The following TNFAIP3 variants were observed in gnomAD, a reference collection of about 807,000 sequenced individuals.
The protein encoded by TNFAIP3 is tumor necrosis factor alpha-induced protein 3.
TNFAIP3 carries 9 observed loss-of-function variants against 72.4 expected under a neutral mutation model. The observed-to-expected ratio is 0.12, with a 90% CI of 0.07 to 0.22. TNFAIP3 has a LOEUF of 0.22. Ranked by LOEUF, TNFAIP3 falls within the 10% of genes least tolerant of loss-of-function variation. The pLI is 1.00. For missense variants in TNFAIP3, 833 were observed against 1,018.7 expected (o/e 0.82, Z 2.48); for synonymous variants, 339 against 372.6 (o/e 0.91, Z 1.04).
Position 137,879,097 on chromosome 6 carries a change from T to C in TNFAIP3, c.1652T>C (p.Leu551Pro), listed in dbSNP as rs1776353310. Residue 551 changes from leucine to proline, a missense_variant, in exon 7 of 9, where the codon CTC becomes CCC. Coordinates refer to ENST00000612899, the MANE Select transcript of TNFAIP3 (RefSeq NM_001270508.2). The stretch of plus-strand genomic sequence containing the variant: ...ACTACAGCAGAGGCCTCCTCCAGCC[T>C]CAGCACCAGCCTCCCTCCTTCCTGT... The part of the protein sequence containing the change: ...KRTTAEASSS[L>P]STSLPPSCHQ... The C allele has an allele frequency of 6.2e-7, 1 of 1,613,998 alleles. No homozygotes were observed. The highest frequency in any genetic ancestry group is 1.3e-5 in the African/African-American group (1 of 74,898).
chr6:137,876,393 C>T (rs1032701012), intron 5 of TNFAIP3: 15 of 467,388 alleles, frequency 3.2e-5, no homozygotes, highest in Non-Finnish European at 4.9e-5. Context: ...TAAATTAAGG[C>T]GCACAGTGCT....
In TNFAIP3 at chr6:137,881,832, G is replaced by A. The variant is rs936825890; in HGVS notation, c.*513G>A. On this transcript the variant is annotated 3_prime_UTR_variant, in exon 9 of 9. Coordinates refer to ENST00000612899, the MANE Select transcript of TNFAIP3 (RefSeq NM_001270508.2). The surrounding 1 kb of genome is among the most constrained non-coding windows in gnomAD (Gnocchi z 5.0). The stretch of plus-strand genomic sequence containing the variant: ...TCAAGGAAGCTCAGGGAAAATGGAC[G>A]TATTCAGAGAGTGTTTGTAGTTCAT... 11 of 233,306 alleles carry A rather than the reference G, an allele frequency of 4.7e-5. No homozygotes were observed. Among genetic ancestry groups the A allele is most frequent in the South Asian group, 3.6e-4 (2 of 5,562 alleles). The allele number at this position is 233,306 out of a possible 1,614,324, so 14.5% of individuals were successfully genotyped here.
At chr6:137,876,223 C>G in intron 5 of TNFAIP3, 57 bp downstream of exon 5, 1 of 1,442,916 alleles carries the variant, frequency 6.9e-7, no homozygotes, top group Non-Finnish European at 9.5e-7. Flanking sequence ...TCAGGGTTTT[C>G]CTTTTTGCTT....
rs1420409577 is a variant in TNFAIP3 at position 137,878,979 on chromosome 6, C to T, written c.1534C>T (p.His512Tyr). The change falls in exon 7 of 9, where the codon CAC becomes TAC. Residue 512 changes from histidine (H) to tyrosine (Y), a missense_variant. By Grantham distance (83) the His-to-Tyr change is moderately conservative (BLOSUM62 2). Transcript: ENST00000612899. ...RQLHASHAPD[H>Y]TRHLDPGKCQ... is the part of the protein sequence containing the mutation. ...ACTTCACGCCAGCCACGCCCCAGAC[C>T]ACACAAGGCACTTGGATCCCGGGAA... 1.2e-6 allele frequency: 2 copies of T among 1,614,142 alleles called. No individual in the cohort carries two copies. The highest frequency in any genetic ancestry group is 2.2e-5 in the East Asian group (1 of 44,898).
chr6:137,878,893 G>T lies in TNFAIP3; in HGVS notation c.1448G>T (p.Cys483Phe). 6.2e-7 allele frequency: 1 copy of T among 1,614,134 alleles called. No individual in the cohort carries two copies. The highest frequency in any genetic ancestry group is 8.5e-7 in the Non-Finnish European group (1 of 1,180,028). Residue 483 changes from cysteine (C) to phenylalanine (F), a missense_variant, in exon 7 of 9, where the codon TGC becomes TTC. By Grantham distance (205) the Cys-to-Phe change is radical. Coordinates refer to ENST00000612899, the MANE Select transcript of TNFAIP3 (RefSeq NM_001270508.2). Reference protein sequence around the residue: ...TTAMKCRSPGCPFTLNVQHNG... With the variant: ...TTAMKCRSPGFPFTLNVQHNG... Reference sequence around the variant, plus strand: ...GCCATGAAGTGCAGGAGCCCCGGCTGCCCCTTCACACTGAATGTGCAGCAC... The same window carrying T: ...GCCATGAAGTGCAGGAGCCCCGGCTTCCCCTTCACACTGAATGTGCAGCAC...
chr6:137,879,148 C>T lies in TNFAIP3; in HGVS notation c.1703C>T (p.Ser568Leu), dbSNP rs374368025. 66 of 1,614,014 alleles carry T rather than the reference C, an allele frequency of 4.1e-5. No homozygotes were observed. In the African/African-American group the frequency reaches 7.1e-4, roughly 17 times the overall value. Residue 568 changes from serine to leucine, a missense_variant, in exon 7 of 9, where the codon TCG becomes TTG. Physicochemically the swap from Ser to Leu is moderately radical, Grantham distance 145 (BLOSUM62 -2). Transcript: ENST00000612899. ...CACCAGCGTTCCAAGTCAGATCCCT[C>T]GCGGCTCGTCCGGAGCCCCTCCCCG... ...SCHQRSKSDP[S>L]RLVRSPSPHS...
rs1424158052 is a variant in TNFAIP3, at chr6:137,882,575, A to G, written c.*1256A>G. 7 of 232,802 alleles carry G rather than the reference A, an allele frequency of 3.0e-5. No individual in the cohort carries two copies. The East Asian group carries it at 3.6e-4, about 12-fold the overall frequency. 14.4% of individuals were successfully genotyped at this position (232,802 alleles called of 1,614,324 possible). ...AACTCCAGCTATGTAATAAAAAACT[A>G]TACTCTGTGTTCTGTTAATGCCTCT... is the stretch of plus-strand genomic sequence containing the variant. On this transcript the variant is annotated 3_prime_UTR_variant, in exon 9 of 9. Coordinates refer to ENST00000612899, the MANE Select transcript of TNFAIP3 (RefSeq NM_001270508.2).
intron 2 of TNFAIP3, among the ~76,000 whole-genome samples, chr6:137,874,041 G>T (rs1454666750): frequency 6.6e-6 from 1 of 152,146 alleles, no homozygotes; most frequent in Non-Finnish European, 1.5e-5. Flanking sequence ...CCATTGAATT[G>T]TGAGTTTTAA....
chr6:137,871,242 C>A lies in TNFAIP3; in HGVS notation c.15C>A (p.Val5=), dbSNP rs2114457376. 1 of 1,612,218 alleles carries A rather than the reference C, an allele frequency of 6.2e-7. No individual in the cohort carries two copies. Among genetic ancestry groups the A allele is most frequent in the Non-Finnish European group, 8.5e-7 (1 of 1,178,886 alleles). Residue 5 remains valine (V), a synonymous_variant, in exon 2 of 9, where the codon GTC becomes GTA. Coordinates refer to ENST00000612899, the MANE Select transcript of TNFAIP3 (RefSeq NM_001270508.2). This position sits in a 1 kb window ranked among gnomAD's most constrained non-coding sequence, Gnocchi z 4.2. MAEQ[V]LPQALYLSNM... ...TGGAGAGCACAATGGCTGAACAAGT[C>A]CTTCCTCAGGCTTTGTATTTGAGCA...
intron 1 of TNFAIP3, among the ~76,000 whole-genome samples, chr6:137,868,418 G>A (rs913769343): frequency 2.4e-4 from 36 of 152,160 alleles, no homozygotes; most frequent in African/African-American, 8.7e-4. Context: ...TTATTGAGCA[G>A]CCAATGAATG....
Position 137,871,343 on chromosome 6 carries a change from A to G in TNFAIP3, c.116A>G (p.His39Arg). 6.2e-7 allele frequency: 1 copy of G among 1,614,224 alleles called. No homozygotes were observed. The highest frequency in any genetic ancestry group is 2.2e-5 in the East Asian group (1 of 44,894). The change falls in exon 2 of 9, where the codon CAT becomes CGT. Residue 39 changes from histidine (H) to arginine (R), a missense_variant. Physicochemically the swap from His to Arg is conservative, Grantham distance 29. Around this residue, in one of 2 missense-constraint regions of TNFAIP3, gnomAD observed 246 missense variants for 360.9 expected, o/e 0.68. Transcript: ENST00000612899. The surrounding 1 kb of genome is among the most constrained non-coding windows in gnomAD (Gnocchi z 4.2). The stretch of plus-strand genomic sequence containing the variant: ...AAACCTACTAATGGGATCATTCATC[A>G]TTTTAAAACCATGCACCGATACACA... ...IFKPTNGIIH[H>R]FKTMHRYTLE...
intron 3 of TNFAIP3, 81 bp from the exon 4 acceptor site, chr6:137,875,607 T>A (rs1426752196): frequency 6.7e-7 from 1 of 1,483,966 alleles, no homozygotes; most frequent in East Asian, 2.3e-5. Context: ...AATGAATAAT[T>A]GTAGAGTGAT....
chr6:137,882,905 A>T lies in TNFAIP3; in HGVS notation c.*1586A>T, dbSNP rs1776508927. ...GAGGGGAAATGCATTTTCCCCAGAG[A>T]TAAAGGCTGCCATTTTGGGGGTCTG... On this transcript the variant is annotated 3_prime_UTR_variant, in exon 9 of 9. Transcript: ENST00000612899. 1 of 227,034 alleles carries T rather than the reference A, an allele frequency of 4.4e-6. No individual in the cohort carries two copies. The highest frequency in any genetic ancestry group is 2.2e-5 in the African/African-American group (1 of 44,726). The allele number at this position is 227,034 out of a possible 1,614,324, so 14.1% of individuals were successfully genotyped here.
chr6:137,878,978 C>A lies in TNFAIP3; in HGVS notation c.1533C>A (p.Asp511Glu), dbSNP rs772635182. 1 of 1,614,124 alleles carries A rather than the reference C, an allele frequency of 6.2e-7. No homozygotes were observed. The highest frequency in any genetic ancestry group is 1.7e-5 in the Admixed American group (1 of 60,012). ...AACTTCACGCCAGCCACGCCCCAGACCACACAAGGCACTTGGATCCCGGGA... is the reference window on the plus strand; with the variant it reads ...AACTTCACGCCAGCCACGCCCCAGAACACACAAGGCACTTGGATCCCGGGA... ...ARQLHASHAP[D>E]HTRHLDPGKC... The change falls in exon 7 of 9, where the codon GAC becomes GAA. Residue 511 changes from aspartate to glutamate, a missense_variant. By Grantham distance (45) the Asp-to-Glu change is conservative. Around this residue, in one of 2 missense-constraint regions of TNFAIP3, gnomAD observed 587 missense variants for 657.8 expected, o/e 0.89. Coordinates refer to ENST00000612899, the MANE Select transcript of TNFAIP3 (RefSeq NM_001270508.2).
rs781640878 is a variant in TNFAIP3 at position 137,879,228 on chromosome 6, G to A, written c.1783G>A (p.Ala595Thr). 1 of 1,614,058 alleles carries A rather than the reference G, an allele frequency of 6.2e-7. No individual in the cohort carries two copies. The highest frequency in any genetic ancestry group is 1.3e-5 in the African/African-American group (1 of 74,924). ...DAPAGCLSQA[A>T]RTPGDRTGTS... ...CCCTGCTGGCTGCCTGTCTCAAGCTGCACGGACTCCTGGGGACAGGACGGG... is the reference window on the plus strand; with the variant it reads ...CCCTGCTGGCTGCCTGTCTCAAGCTACACGGACTCCTGGGGACAGGACGGG... Residue 595 changes from alanine (A) to threonine (T), a missense_variant, in exon 7 of 9, where the codon GCA becomes ACA. By Grantham distance (58) the Ala-to-Thr change is moderately conservative (BLOSUM62 0). Around this residue, in one of 2 missense-constraint regions of TNFAIP3, gnomAD observed 587 missense variants for 657.8 expected, o/e 0.89. Transcript: ENST00000612899.
chr6:137,879,103 C>T lies in TNFAIP3; in HGVS notation c.1658C>T (p.Thr553Ile), dbSNP rs2114503550. Residue 553 changes from threonine to isoleucine, a missense_variant, in exon 7 of 9, where the codon ACC becomes ATC. Thr to Ile is a moderately conservative substitution (Grantham distance 89, BLOSUM62 -1). This residue lies in a region of TNFAIP3 where 587 missense variants were observed against 657.8 expected (regional missense o/e 0.89). Coordinates refer to ENST00000612899, the MANE Select transcript of TNFAIP3 (RefSeq NM_001270508.2). ...TTAEASSSLS[T>I]SLPPSCHQRS... Reference sequence around the variant, plus strand: ...GCAGAGGCCTCCTCCAGCCTCAGCACCAGCCTCCCTCCTTCCTGTCACCAG... The same window carrying T: ...GCAGAGGCCTCCTCCAGCCTCAGCATCAGCCTCCCTCCTTCCTGTCACCAG... The T allele has an allele frequency of 3.7e-6, 6 of 1,614,198 alleles. No individual in the cohort carries two copies. Among genetic ancestry groups the T allele is most frequent in the Non-Finnish European group, 5.1e-6 (6 of 1,180,036 alleles).
At chr6:137,879,999 C>G (rs948015674) in intron 7 of TNFAIP3, 72 bp from the exon 8 acceptor site, 4 of 1,378,366 alleles carry the variant, frequency 2.9e-6, no homozygotes, top group Non-Finnish European at 4.1e-6. Flanking sequence ...CCATTTATTT[C>G]TCTACTGTCA....
rs1470094578 is a variant in TNFAIP3, at chr6:137,878,974, C to T, written c.1529C>T (p.Pro510Leu). 1 of 1,614,264 alleles carries T rather than the reference C, an allele frequency of 6.2e-7. No individual in the cohort carries two copies. Among genetic ancestry groups the T allele is most frequent in the Admixed American group, 1.7e-5 (1 of 60,036 alleles). The change falls in exon 7 of 9, where the codon CCA (proline) becomes CTA (leucine). Residue 510 changes from proline (P) to leucine (L), a missense_variant. Pro to Leu is a moderately conservative substitution (Grantham distance 98). This residue lies in a region of TNFAIP3 where 587 missense variants were observed against 657.8 expected (regional missense o/e 0.89). Transcript: ENST00000612899. ...NARQLHASHA[P>L]DHTRHLDPGK... ...CGGCAACTTCACGCCAGCCACGCCC[C>T]AGACCACACAAGGCACTTGGATCCC...
rs140042278 is a variant in TNFAIP3, at chr6:137,881,420, G to T, written c.*101G>T. Reference sequence around the variant, plus strand: ...CCCTCAGCTGCCACTGCAACAGTGGGCTTAAGGGTGTCTGAGCAGGAGAGG... The same window carrying T: ...CCCTCAGCTGCCACTGCAACAGTGGTCTTAAGGGTGTCTGAGCAGGAGAGG... On this transcript the variant is annotated 3_prime_UTR_variant, in exon 9 of 9. Transcript: ENST00000612899. This position sits in a 1 kb window ranked among gnomAD's most constrained non-coding sequence, Gnocchi z 5.0. 0.014 allele frequency: 14,589 copies of T among 1,071,158 alleles called. 113 individuals are homozygous for T. Among genetic ancestry groups the T allele is most frequent in the Middle Eastern group, 0.03 (107 of 3,558 alleles). 66.4% of individuals were successfully genotyped at this position (1,071,158 alleles called of 1,614,324 possible).
Sources: gnomAD v4.1 joint callset for allele counts (sites outside exome capture counted in the v4.1 genomes callset) on GRCh38, gnomAD v4.1.1 for gene constraint, gnomAD v4.1.1 regional missense constraint, Gnocchi (gnomAD v3.1) non-coding constraint, MANE v1.5 for transcripts, NCBI Gene and HGNC (gene_info 2026-07-23, HGNC 2026-07-21) for gene names.